DTHD1: variants seen among roughly 807,000 people sequenced by gnomAD.
DTHD1 encodes death domain-containing protein 1.
A neutral mutation model predicts 74.8 loss-of-function variants in DTHD1; 59 were observed. That is an observed-to-expected ratio of 0.79 (90% confidence interval 0.64 to 0.98). The LOEUF (loss-of-function observed/expected upper bound fraction) is 0.98, where lower values mean the gene tolerates loss of function less well. DTHD1 is among the 50% of genes least tolerant of loss of function. The pLI, the probability that DTHD1 is intolerant of heterozygous loss-of-function variation, is 0.00. For missense variants in DTHD1, 1,051 were observed against 1,065.4 expected (o/e 0.99, Z 0.19); for synonymous variants, 365 against 371.1 (o/e 0.98, Z 0.19).
At chr4:36,302,110 T>C (rs1756812571) in intron 5 of DTHD1, among the ~76,000 whole-genome samples, 1 of 152,318 alleles carries the variant, frequency 6.6e-6, no homozygotes, top group African/African-American at 2.4e-5. Context: ...GAACCACGCA[T>C]AGCGTAACAG....
At chr4:36,284,940 AC>A (rs1755614615) in intron 2 of DTHD1, among the ~76,000 whole-genome samples, 1 of 152,136 alleles carries the variant, frequency 6.6e-6, no homozygotes, top group Admixed American at 6.5e-5. Context: ...TCCCAAAAGG[AC>A]CCACCTCCTA....
intron 5 of DTHD1, among the ~76,000 whole-genome samples, chr4:36,302,516 G>C (rs1051749278): frequency 6.6e-6 from 1 of 152,080 alleles, no homozygotes; most frequent in Non-Finnish European, 1.5e-5. Context: ...AAGGTACAGA[G>C]TTTGTCATAA....
chr4:36,286,725 A>C (rs189767742), intron 2 of DTHD1, among the ~76,000 whole-genome samples: 14 of 152,326 alleles, frequency 9.2e-5, no homozygotes, highest in African/African-American at 3.4e-4. Context: ...CTTAGTCTAC[A>C]TGGTATAGCA....
chr4:36,340,960 G>A (rs536423831), intron 9 of DTHD1, among the ~76,000 whole-genome samples: 44 of 152,014 alleles, frequency 2.9e-4, no homozygotes, highest in Non-Finnish European at 5.3e-4. Flanking sequence ...GGGAGGCCAG[G>A]GGCTCCAAGG....
chr4:36,295,631 C>T (rs888801023), intron 5 of DTHD1, among the ~76,000 whole-genome samples: 2 of 151,838 alleles, frequency 1.3e-5, no homozygotes, highest in African/African-American at 4.8e-5. Context: ...GAGCATCATC[C>T]TGATATTTCA....
In DTHD1 at chr4:36,284,506, T is replaced by C. The variant is rs1421559253; in HGVS notation, c.802T>C (p.Cys268Arg). The change falls in exon 2 of 10, where the codon TGT becomes CGT. Residue 268 changes from cysteine (C) to arginine (R), a missense_variant. Physicochemically the swap from Cys to Arg is radical, Grantham distance 180 (BLOSUM62 -3). Coordinates refer to ENST00000639862, the MANE Select transcript of DTHD1 (RefSeq NM_001170700.3). The stretch of plus-strand genomic sequence containing the variant: ...AGAGATGACCACATCCTCAATAATA[T>C]GTGATATCTCCAAGAAATATATAAA... ...REEMTTSSII[C>R]DISKKYINST... 1 of 1,536,616 alleles carries C rather than the reference T, an allele frequency of 6.5e-7. No homozygotes were observed. The highest frequency in any genetic ancestry group is 1.2e-5 in the South Asian group (1 of 83,960).
chr4:36,302,434 C>G (rs1756831564), intron 5 of DTHD1, among the ~76,000 whole-genome samples: 1 of 152,164 alleles, frequency 6.6e-6, no homozygotes, highest in Non-Finnish European at 1.5e-5. Flanking sequence ...TTTCTCTCAG[C>G]TGTGTGGTAA....
chr4:36,342,032 T>A (rs1759341242), intron 9 of DTHD1, among the ~76,000 whole-genome samples: 1 of 152,226 alleles, frequency 6.6e-6, no homozygotes, highest in South Asian at 2.1e-4. Flanking sequence ...GAAAGTCAGT[T>A]TCTAGTTTGG....
chr4:36,299,417 T>C (rs1560793507), intron 5 of DTHD1, among the ~76,000 whole-genome samples: 1 of 152,230 alleles, frequency 6.6e-6, no homozygotes, highest in East Asian at 1.9e-4. Flanking sequence ...TTATGGGTGA[T>C]CTGCTTTATT....
chr4:36,340,385 C>T (rs557730776), intron 9 of DTHD1, among the ~76,000 whole-genome samples: 1 of 152,196 alleles, frequency 6.6e-6, no homozygotes, highest in South Asian at 2.1e-4. Flanking sequence ...AAGGAAGAAG[C>T]TAGGTAGGAC....
intron 7 of DTHD1, among the ~76,000 whole-genome samples, chr4:36,309,265 G>A (rs112756994): frequency 1.3e-3 from 201 of 152,180 alleles, no homozygotes; most frequent in African/African-American, 4.6e-3. Flanking sequence ...GTGAAACCTC[G>A]TCTCTATTCA....
intron 7 of DTHD1, among the ~76,000 whole-genome samples, chr4:36,309,659 C>CT (rs559702367): frequency 1.7e-4 from 26 of 151,802 alleles, no homozygotes; most frequent in African/African-American, 6.0e-4. Flanking sequence ...ATATCCAAAA[C>CT]TTTTTTTTTC....
chr4:36,283,342 G>C (rs1755508221), intron 1 of DTHD1, among the ~76,000 whole-genome samples: 1 of 152,200 alleles, frequency 6.6e-6, no homozygotes, highest in Non-Finnish European at 1.5e-5. Context: ...GCCACTTCAG[G>C]TTCCAATCAG....
chr4:36,342,513 T>C lies in DTHD1; in HGVS notation c.2399-989T>C, dbSNP rs143302695. On this transcript the variant is annotated intron_variant, in intron 9 of 9. Transcript: ENST00000639862. Reference sequence around the variant, plus strand: ...GGGACAGAGGTTTTATTCAGAGTTATGGATCTAAGTTACACATCAGTAACA... The same window carrying C: ...GGGACAGAGGTTTTATTCAGAGTTACGGATCTAAGTTACACATCAGTAACA... Among the ~76,000 whole-genome samples, 102 of 152,194 alleles carry C rather than the reference T, an allele frequency of 6.7e-4. No homozygotes were observed. The East Asian group carries it at 0.018, about 27-fold the overall frequency.
At chr4:36,309,388 G>A (rs1757250293) in intron 7 of DTHD1, among the ~76,000 whole-genome samples, 1 of 152,200 alleles carries the variant, frequency 6.6e-6, no homozygotes, top group African/African-American at 2.4e-5. Context: ...GGAGGCGGAG[G>A]TTGCAGGTTG....
At chr4:36,309,395 G>T (rs967595465) in intron 7 of DTHD1, among the ~76,000 whole-genome samples, 2 of 152,088 alleles carry the variant, frequency 1.3e-5, no homozygotes, top group African/African-American at 2.4e-5. Context: ...GAGGTTGCAG[G>T]TTGCAGTGAG....
rs894776976 is a variant in DTHD1, at chr4:36,345,570, G to A, written c.*1746G>A. 6.6e-6 allele frequency: 1 copy of A among 152,026 alleles called. No homozygotes were observed. The highest frequency in any genetic ancestry group is 6.6e-5 in the Admixed American group (1 of 15,260). The allele number at this position is 152,026 out of a possible 1,614,324, so 9.4% of individuals were successfully genotyped here. ...TCTATTCAGGTATATATCAAAAAAG[G>A]CGATTCCCATTTTCAAACATAGTCC... On this transcript the variant is annotated 3_prime_UTR_variant, in exon 10 of 10. Coordinates refer to ENST00000639862, the MANE Select transcript of DTHD1 (RefSeq NM_001170700.3).
intron 8 of DTHD1, among the ~76,000 whole-genome samples, chr4:36,332,272 A>C (rs1758737853): frequency 6.6e-6 from 1 of 151,448 alleles, no homozygotes. Flanking sequence ...ATATTGCTCT[A>C]GTATTCAAAG....
chr4:36,341,451 G>A (rs1230059929), intron 9 of DTHD1, among the ~76,000 whole-genome samples: 1 of 152,180 alleles, frequency 6.6e-6, no homozygotes. Flanking sequence ...GGTAAAGTAG[G>A]AGAAGCAGAC....
Sources: gnomAD v4.1 joint callset for allele counts (sites outside exome capture counted in the v4.1 genomes callset) on GRCh38, gnomAD v4.1.1 for gene constraint, MANE v1.5 for transcripts, NCBI Gene and HGNC (gene_info 2026-07-23, HGNC 2026-07-21) for gene names.